The following KCNT1 variants were observed in gnomAD, a reference collection of about 807,000 sequenced individuals.
KCNT1 encodes the protein potassium sodium-activated channel subfamily T member 1, also known as potassium channel subfamily T member 1.
KCNT1 carries 78 observed loss-of-function variants against 147.8 expected under a neutral mutation model. The ratio of observed to expected loss-of-function variants is 0.53; its 90% CI spans 0.44 to 0.64. The LOEUF (loss-of-function observed/expected upper bound fraction) is 0.64, where lower values mean the gene tolerates loss of function less well. Ranked by LOEUF, KCNT1 falls within the 30% of genes least tolerant of loss-of-function variation. The pLI is 0.00. For synonymous variants in KCNT1, 867 were observed against 748.8 expected (o/e 1.16, Z -2.58); for missense variants, 1,419 against 1,750.3 (o/e 0.81, Z 3.38).
In KCNT1 at chr9:135,778,286, T is replaced by C. The variant is rs1246065165; in HGVS notation, c.2523-138T>C. 7.2e-6 allele frequency: 5 copies of C among 697,508 alleles called. No homozygotes were observed. The African/African-American group carries it at 9.0e-5, about 13-fold the overall frequency. The allele number at this position is 697,508 out of a possible 1,614,324, so 43.2% of individuals were successfully genotyped here. ...GAATGGCCCACTGGCCTTAAAGTAC[T>C]CCCCAGGTCCCATACGCTGCGGTTC... On this transcript the variant is annotated intron_variant, in intron 21 of 30. Transcript: ENST00000371757.
intron 23 of KCNT1, among the ~76,000 whole-genome samples, chr9:135,779,099 G>C (rs1833406797): frequency 8.8e-6 from 1 of 113,366 alleles, no homozygotes; most frequent in South Asian, 3.2e-4. Flanking sequence ...TCTGCCCAGA[G>C]ACCCCCACAG....
chr9:135,739,470 T>G (rs2131378138), intron 2 of KCNT1, among the ~76,000 whole-genome samples: 1 of 130,520 alleles, frequency 7.7e-6, no homozygotes, highest in South Asian at 2.4e-4. Flanking sequence ...TGCCAGGACC[T>G]CCCTCCCCTG....
chr9:135,738,424 T>C (rs1310249293), intron 2 of KCNT1, among the ~76,000 whole-genome samples: 3 of 152,104 alleles, frequency 2.0e-5, no homozygotes, highest in Admixed American at 2.0e-4. Context: ...ACTTGGTAGG[T>C]TTGTTCTTCT....
At position 135,713,672 on chromosome 9, in the gene KCNT1, G is replaced by A. The variant is rs961064024; in HGVS notation, c.111-905G>A. ...CCCTCCATCCCCCCTCTGCTCTCCTGCTGGCCTCGAAGCCTTGAACAAGGG... is the reference window on the plus strand; with the variant it reads ...CCCTCCATCCCCCCTCTGCTCTCCTACTGGCCTCGAAGCCTTGAACAAGGG... On this transcript the variant is annotated intron_variant, in intron 1 of 30. Transcript: ENST00000371757. Among the ~76,000 whole-genome samples, 6 of 152,196 alleles carry A rather than the reference G, an allele frequency of 3.9e-5. 1 individual carries two copies. The highest frequency in any genetic ancestry group is 3.3e-4 in the Admixed American group (5 of 15,282).
At chr9:135,725,718 G>A (rs543847639) in intron 2 of KCNT1, among the ~76,000 whole-genome samples, 26 of 152,352 alleles carry the variant, frequency 1.7e-4, no homozygotes, top group Admixed American at 7.2e-4. Context: ...AGGTTCCCAC[G>A]TGGAGCTGTG....
intron 2 of KCNT1, among the ~76,000 whole-genome samples, chr9:135,731,224 C>T (rs992258523): frequency 2.0e-5 from 3 of 152,104 alleles, no homozygotes; most frequent in Non-Finnish European, 4.4e-5. Context: ...TCCACACTCT[C>T]GAACCTTCCC....
rs2131505243 is a variant in KCNT1, at chr9:135,770,017, C to T, written c.1581C>T (p.Ser527=). The T allele has an allele frequency of 1.3e-6, 2 of 1,554,368 alleles. No individual in the cohort carries two copies. Among genetic ancestry groups the T allele is most frequent in the South Asian group, 1.2e-5 (1 of 84,274 alleles). The change falls in exon 16 of 31, where the codon TCC becomes TCT. Residue 527 remains serine (S), a synonymous_variant. Coordinates refer to ENST00000371757, the MANE Select transcript of KCNT1 (RefSeq NM_020822.3). ...TGAACTGCATCTGCCCGGCGACCTC[C>T]ACCCTCATCACCCTGCTGGTGCACA... The part of the protein sequence containing the change: ...LALNCICPAT[S]TLITLLVHTS...
intron 2 of KCNT1, among the ~76,000 whole-genome samples, chr9:135,734,990 C>T (rs527782081): frequency 2.2e-4 from 33 of 152,310 alleles, no homozygotes; most frequent in Non-Finnish European, 3.5e-4. Context: ...CTCAGCAGCA[C>T]GCCCAGGAGA....
Position 135,702,332 on chromosome 9 carries a change from G to A in KCNT1, c.74G>A (p.Arg25Gln). The A allele has an allele frequency of 6.2e-7, 1 of 1,611,604 alleles. No homozygotes were observed. The highest frequency in any genetic ancestry group is 8.5e-7 in the Non-Finnish European group (1 of 1,179,314). Reference sequence around the variant, plus strand: ...GCGCGCGGCGGGGGCTACACCAACCGGACCTTCGAGTTTGACGACGGCCAA... The same window carrying A: ...GCGCGCGGCGGGGGCTACACCAACCAGACCTTCGAGTTTGACGACGGCCAA... ...REARGGGYTN[R>Q]TFEFDDGQCA... is the part of the protein sequence containing the mutation. The change falls in exon 1 of 31, where the codon CGG becomes CAG. Residue 25 changes from arginine to glutamine, a missense_variant. Physicochemically the swap from Arg to Gln is conservative, Grantham distance 43. Around this residue, in one of 5 missense-constraint regions of KCNT1, gnomAD observed 181 missense variants for 155.7 expected, o/e 1.16. Transcript: ENST00000371757.
rs377123847 is a variant in KCNT1, at chr9:135,755,191, C to G, written c.540+22C>G. The G allele has an allele frequency of 2.0e-4, 317 of 1,598,952 alleles. 1 individual carries two copies. In the East Asian group the frequency reaches 3.6e-3, roughly 18 times the overall value. ...CCAGGTGAGTGCCCTACCCTGCCCCCCTCCCGACTGCAGTGGTGCTCAGTA... is the reference window on the plus strand; with the variant it reads ...CCAGGTGAGTGCCCTACCCTGCCCCGCTCCCGACTGCAGTGGTGCTCAGTA... On this transcript the variant is annotated intron_variant, in intron 6 of 30. Transcript: ENST00000371757.
At chr9:135,762,771 A>G (rs1344245745) in intron 11 of KCNT1, among the ~76,000 whole-genome samples, 1 of 152,168 alleles carries the variant, frequency 6.6e-6, no homozygotes, top group East Asian at 1.9e-4. Flanking sequence ...AAAACAAACA[A>G]GACAAGGTGA....
rs537062584 is a variant in KCNT1, at chr9:135,731,847, A to G, written c.254+17127A>G. 4.4e-3 allele frequency among the ~76,000 whole-genome samples: 658 copies of G among 151,152 alleles called. 2 individuals are homozygous for G. Among genetic ancestry groups the G allele is most frequent in the African/African-American group, 0.014 (562 of 41,118 alleles). ...TCTTTACCCTCAGCTGAGGAGGTGG[A>G]GTAGGAGCCATATCTGGATGGAATG... On this transcript the variant is annotated intron_variant, in intron 2 of 30. Transcript: ENST00000371757.
chr9:135,726,928 T>C (rs1836183698), intron 2 of KCNT1, among the ~76,000 whole-genome samples: 1 of 111,158 alleles, frequency 9.0e-6, no homozygotes, highest in African/African-American at 3.5e-5. Flanking sequence ...CCTCTCTCTC[T>C]CTCCCTCCCT....
chr9:135,757,436 C>T lies in KCNT1; in HGVS notation c.759+55C>T, dbSNP rs1461065318. On this transcript the variant is annotated intron_variant, in intron 9 of 30. Transcript: ENST00000371757. ...CTTGGGGGGGCCACCCTCAGCCTCA[C>T]CGGCCCTGGAAGACACTGTGCGACG... The T allele has an allele frequency of 9.9e-6, 15 of 1,520,966 alleles. No homozygotes were observed. In the Admixed American group the frequency reaches 2.2e-4, roughly 22 times the overall value. 94.2% of individuals were successfully genotyped at this position (1,520,966 alleles called of 1,614,324 possible).
At chr9:135,733,818 G>A (rs1205712215) in intron 2 of KCNT1, among the ~76,000 whole-genome samples, 6 of 147,520 alleles carry the variant, frequency 4.1e-5, no homozygotes, top group Non-Finnish European at 7.5e-5. Context: ...GCCCACCCAC[G>A]AGATGTCACC....
intron 13 of KCNT1, among the ~76,000 whole-genome samples, chr9:135,766,165 T>C (rs1034834154): frequency 4.0e-5 from 6 of 151,290 alleles, no homozygotes; most frequent in Non-Finnish European, 8.8e-5. Flanking sequence ...GGGTGGATTG[T>C]CTAGGGTGGG....
intron 2 of KCNT1, among the ~76,000 whole-genome samples, chr9:135,747,443 G>A (rs1288546131): frequency 6.6e-6 from 1 of 151,126 alleles, no homozygotes; most frequent in Admixed American, 6.6e-5. Flanking sequence ...GAGACCCTGG[G>A]CTCAGCCCCC....
chr9:135,734,868 G>A (rs933688110), intron 2 of KCNT1, among the ~76,000 whole-genome samples: 4 of 152,174 alleles, frequency 2.6e-5, no homozygotes, highest in Non-Finnish European at 5.9e-5. Flanking sequence ...CAGCCCTGAT[G>A]TCCATCGGCC....
At position 135,771,097 on chromosome 9, in the gene KCNT1, T is replaced by C. The variant is rs760645541; in HGVS notation, c.2008+2T>C. On this transcript the variant is annotated splice_donor_variant, in intron 18 of 30. Transcript: ENST00000371757. LOFTEE classifies it high-confidence loss of function. ...TGCACAGCATCATCGCCTCCATGGGTGAGCCGGGACAGGCGCGCGGGACTC... is the reference window on the plus strand; with the variant it reads ...TGCACAGCATCATCGCCTCCATGGGCGAGCCGGGACAGGCGCGCGGGACTC... 2 of 1,608,640 alleles carry C rather than the reference T, an allele frequency of 1.2e-6. No homozygotes were observed. The highest frequency in any genetic ancestry group is 1.7e-6 in the Non-Finnish European group (2 of 1,177,272).
Sources: gnomAD v4.1 joint callset for allele counts (sites outside exome capture counted in the v4.1 genomes callset) on GRCh38, gnomAD v4.1.1 for gene constraint, gnomAD v4.1.1 regional missense constraint, MANE v1.5 for transcripts, NCBI Gene and HGNC (gene_info 2026-07-23, HGNC 2026-07-21) for gene names.